Variants in NKAIN3 observed in about 807,000 individuals in gnomAD.
NKAIN3 encodes sodium/potassium transporting ATPase interacting 3.
In NKAIN3, 25 loss-of-function variants were observed where a neutral mutation model predicts 30.2. The observed-to-expected ratio is 0.83, with a 90% CI of 0.60 to 1.16. The LOEUF (loss-of-function observed/expected upper bound fraction) is 1.16. Ranked by LOEUF, NKAIN3 falls within the 50% of genes most tolerant of loss-of-function variation. The pLI is 0.00. For synonymous variants in NKAIN3, 91 were observed against 89.6 expected (o/e 1.02, Z -0.09); for missense variants, 225 against 254.1 (o/e 0.89, Z 0.78).
intron 1 of NKAIN3, among the ~76,000 whole-genome samples, chr8:62,442,766 A>T (rs1475622147): frequency 6.6e-6 from 1 of 151,876 alleles, no homozygotes; most frequent in African/African-American, 2.4e-5. Context: ...AATTGTTGAT[A>T]TATAGGTTTT....
chr8:62,298,805 A>G (rs1813933941), intron 1 of NKAIN3, among the ~76,000 whole-genome samples: 1 of 149,368 alleles, frequency 6.7e-6, no homozygotes, highest in Admixed American at 6.6e-5. Context: ...CTATTAACAT[A>G]TATATTAATA....
At chr8:62,563,625 GTT>G (rs1377846589) in intron 1 of NKAIN3, among the ~76,000 whole-genome samples, 1 of 152,066 alleles carries the variant, frequency 6.6e-6, no homozygotes, top group Non-Finnish European at 1.5e-5. Flanking sequence ...ATTTCCCAGA[GTT>G]AAGCACCATA....
chr8:62,426,831 G>A (rs1369941189), intron 1 of NKAIN3, among the ~76,000 whole-genome samples: 1 of 151,920 alleles, frequency 6.6e-6, no homozygotes, highest in Non-Finnish European at 1.5e-5. Flanking sequence ...ATTTATCCAT[G>A]TCAAGTTGTT....
rs147758032 is a variant in NKAIN3, at chr8:62,887,572, T to A, written c.472-30881T>A. 8.4e-3 allele frequency among the ~76,000 whole-genome samples: 1,280 copies of A among 152,260 alleles called. 22 individuals are homozygous for A. Among genetic ancestry groups the A allele is most frequent in the African/African-American group, 0.03 (1,237 of 41,586 alleles). On this transcript the variant is annotated intron_variant, in intron 4 of 6. Coordinates refer to ENST00000623646, the MANE Select transcript of NKAIN3 (RefSeq NM_001304533.3). ...CTTGTTTTTTAAATAACTGTTATTG[T>A]TTCTTAGTTTTTTTATTTGCTTTTT...
At chr8:62,427,134 C>T (rs115455819) in intron 1 of NKAIN3, among the ~76,000 whole-genome samples, 48 of 152,158 alleles carry the variant, frequency 3.2e-4, no homozygotes, top group African/African-American at 1.1e-3. Context: ...CAAATACAGG[C>T]TTTTGATATT....
At chr8:62,916,096 A>G (rs1822092883) in intron 4 of NKAIN3, among the ~76,000 whole-genome samples, 1 of 150,480 alleles carries the variant, frequency 6.6e-6, no homozygotes, top group Non-Finnish European at 1.5e-5. Flanking sequence ...AGGATAGATG[A>G]TACAAACTTT....
chr8:62,688,426 T>G (rs1244351304), intron 3 of NKAIN3, among the ~76,000 whole-genome samples: 2 of 152,186 alleles, frequency 1.3e-5, no homozygotes, highest in African/African-American at 4.8e-5. Context: ...AGATGTTTGC[T>G]AAACATTAAA....
At chr8:62,886,576 T>C (rs1462345691) in intron 4 of NKAIN3, among the ~76,000 whole-genome samples, 1 of 152,198 alleles carries the variant, frequency 6.6e-6, no homozygotes, top group African/African-American at 2.4e-5. Context: ...AAAATCTTTA[T>C]TTCTTCTTCA....
At chr8:62,356,978 T>A (rs1816380236) in intron 1 of NKAIN3, among the ~76,000 whole-genome samples, 1 of 152,146 alleles carries the variant, frequency 6.6e-6, no homozygotes, top group Admixed American at 6.5e-5. Flanking sequence ...GGCTCTCACC[T>A]GTAGTCCCAG....
rs368832989 is a variant in NKAIN3, at chr8:62,396,504, G to A, written c.54+147377G>A. Reference sequence around the variant, plus strand: ...GATATTCCTTGTATTAAAAGGACAAGGTATTTCCTGGGCACTCCATAGCTT... The same window carrying A: ...GATATTCCTTGTATTAAAAGGACAAAGTATTTCCTGGGCACTCCATAGCTT... On this transcript the variant is annotated intron_variant, in intron 1 of 6. Coordinates refer to ENST00000623646, the MANE Select transcript of NKAIN3 (RefSeq NM_001304533.3). 8.5e-5 allele frequency among the ~76,000 whole-genome samples: 13 copies of A among 152,114 alleles called. No homozygotes were observed. In the East Asian group the frequency reaches 1.9e-3, roughly 23 times the overall value.
intron 1 of NKAIN3, among the ~76,000 whole-genome samples, chr8:62,552,659 T>C (rs1297008195): frequency 6.6e-6 from 1 of 152,206 alleles, no homozygotes; most frequent in African/African-American, 2.4e-5. Context: ...TTGACAAGTA[T>C]GTACACTTTC....
intron 4 of NKAIN3, among the ~76,000 whole-genome samples, chr8:62,870,988 A>G (rs1421309668): frequency 6.6e-6 from 1 of 152,056 alleles, no homozygotes; most frequent in African/African-American, 2.4e-5. Flanking sequence ...AGACTCAAAG[A>G]CTGACTGTTT....
intron 4 of NKAIN3, among the ~76,000 whole-genome samples, chr8:62,886,504 T>A (rs575612204): frequency 6.6e-6 from 1 of 152,258 alleles, no homozygotes; most frequent in Non-Finnish European, 1.5e-5. Flanking sequence ...TAACCTATAT[T>A]ACTTTACAGC....
At chr8:62,870,852 T>C (rs1377644382) in intron 4 of NKAIN3, among the ~76,000 whole-genome samples, 1 of 141,146 alleles carries the variant, frequency 7.1e-6, no homozygotes, top group Non-Finnish European at 1.5e-5. Context: ...AGATGTGCAT[T>C]AGAGATGAGA....
chr8:62,413,098 C>G (rs531778942), intron 1 of NKAIN3, among the ~76,000 whole-genome samples: 6 of 152,124 alleles, frequency 3.9e-5, no homozygotes, highest in African/African-American at 1.4e-4. Flanking sequence ...AGTGAGGTAC[C>G]ATATCACACC....
At chr8:62,309,803 G>C (rs1814369283) in intron 1 of NKAIN3, among the ~76,000 whole-genome samples, 1 of 150,434 alleles carries the variant, frequency 6.6e-6, no homozygotes, top group African/African-American at 2.5e-5. Context: ...AGCCATGATA[G>C]CTTATAGTGA....
intron 1 of NKAIN3, among the ~76,000 whole-genome samples, chr8:62,353,418 T>G (rs1441277981): frequency 6.6e-6 from 1 of 152,246 alleles, no homozygotes; most frequent in Non-Finnish European, 1.5e-5. Flanking sequence ...CACTGAAATT[T>G]GATCCATAGC....
chr8:62,996,268 G>T (rs1264107222), intron 5 of NKAIN3, among the ~76,000 whole-genome samples: 2 of 152,180 alleles, frequency 1.3e-5, no homozygotes, highest in African/African-American at 4.8e-5. Flanking sequence ...CTTACATGGT[G>T]GCAGGAGAGA....
chr8:62,961,678 AC>A (rs1823575003), intron 6 of NKAIN3, among the ~76,000 whole-genome samples: 1 of 152,230 alleles, frequency 6.6e-6, no homozygotes, highest in Non-Finnish European at 1.5e-5. Flanking sequence ...TGAGAAAAAA[AC>A]ATATTTGCAA....
Sources: allele counts gnomAD v4.1 joint callset (sites outside exome capture counted in the v4.1 genomes callset), GRCh38; gene constraint gnomAD v4.1.1; transcripts MANE v1.5; gene names NCBI Gene and HGNC (gene_info 2026-07-23, HGNC 2026-07-21).